Variants in SMOC2 observed in about 807,000 individuals in gnomAD.
SMOC2 encodes the protein SPARC-related modular calcium-binding protein 2.
SMOC2 carries 39 observed loss-of-function variants against 61.4 expected under a neutral mutation model. The observed-to-expected ratio is 0.64, with a 90% CI of 0.49 to 0.83. The LOEUF (loss-of-function observed/expected upper bound fraction) is 0.83, where lower values mean the gene tolerates loss of function less well. Among genes scored for constraint, SMOC2 ranks in the 40% least tolerant of loss-of-function variants. The pLI, the probability that SMOC2 is intolerant of heterozygous loss-of-function variation, is 0.00. For missense variants in SMOC2, 556 were observed against 592.9 expected (o/e 0.94, Z 0.65); for synonymous variants, 247 against 239.9 (o/e 1.03, Z -0.27).
chr6:168,528,708 G>A (rs1018726667), intron 4 of SMOC2, among the ~76,000 whole-genome samples: 4 of 152,196 alleles, frequency 2.6e-5, no homozygotes, highest in South Asian at 2.1e-4. Flanking sequence ...TGTTTCCAGC[G>A]ACTGGCCATG....
intron 4 of SMOC2, among the ~76,000 whole-genome samples, chr6:168,541,731 G>T (rs944216084): frequency 2.0e-5 from 3 of 152,156 alleles, no homozygotes; most frequent in African/African-American, 7.2e-5. Context: ...ATCAAGGGAC[G>T]CTGGGTTCTG....
intron 7 of SMOC2, among the ~76,000 whole-genome samples, chr6:168,551,255 A>G (rs1784122570): frequency 6.6e-6 from 1 of 152,158 alleles, no homozygotes; most frequent in Non-Finnish European, 1.5e-5. Context: ...CCGTGAGTCC[A>G]TTAAACCTCT....
intron 4 of SMOC2, among the ~76,000 whole-genome samples, chr6:168,541,648 G>A (rs1783880765): frequency 6.6e-6 from 1 of 152,206 alleles, no homozygotes; most frequent in African/African-American, 2.4e-5. Flanking sequence ...AAAAGGTGAA[G>A]TCAATGCACT....
chr6:168,575,970 G>A (rs1784795006), intron 7 of SMOC2, among the ~76,000 whole-genome samples: 1 of 152,094 alleles, frequency 6.6e-6, no homozygotes, highest in Non-Finnish European at 1.5e-5. Context: ...GCAGGAGGCA[G>A]CCCGCCATGA....
intron 7 of SMOC2, among the ~76,000 whole-genome samples, chr6:168,588,058 G>A (rs890973825): frequency 5.3e-5 from 8 of 151,656 alleles, no homozygotes; most frequent in African/African-American, 1.7e-4. Flanking sequence ...GTTCGTAAAC[G>A]GTGTCCTTTT....
chr6:168,475,451 G>A lies in SMOC2; in HGVS notation c.84+33997G>A, dbSNP rs781583361. On this transcript the variant is annotated intron_variant, in intron 1 of 12. Coordinates refer to ENST00000356284, the MANE Select transcript of SMOC2 (RefSeq NM_001166412.2). This position sits in a 1 kb window ranked among gnomAD's most constrained non-coding sequence, Gnocchi z 4.6. ...AATCCCTCCCCCACCCCACCAGGTC[G>A]TGATCCCTGAGGGAAGCATGGTCTC... Among the ~76,000 whole-genome samples the A allele has an allele frequency of 7.2e-5, 11 of 152,208 alleles. No homozygotes were observed. The highest frequency in any genetic ancestry group is 3.9e-4 in the East Asian group (2 of 5,166).
intron 1 of SMOC2, among the ~76,000 whole-genome samples, chr6:168,506,179 T>C (rs1036624960): frequency 2.0e-5 from 3 of 152,066 alleles, no homozygotes; most frequent in African/African-American, 7.2e-5. Context: ...CTTTATTTTG[T>C]TACACCCCCA....
chr6:168,533,869 T>C (rs1562332874), intron 4 of SMOC2, among the ~76,000 whole-genome samples: 1 of 152,222 alleles, frequency 6.6e-6, no homozygotes, highest in Non-Finnish European at 1.5e-5. Flanking sequence ...GGCCTCTTTC[T>C]AGATGGCCAT....
intron 9 of SMOC2, among the ~76,000 whole-genome samples, chr6:168,630,094 C>T (rs1009308885): frequency 7.9e-5 from 12 of 152,102 alleles, no homozygotes; most frequent in African/African-American, 1.4e-4. Context: ...TGCAGCGTCT[C>T]GTTCATCTCC....
At chr6:168,481,008 G>T (rs1782195321) in intron 1 of SMOC2, among the ~76,000 whole-genome samples, 1 of 152,050 alleles carries the variant, frequency 6.6e-6, no homozygotes. Flanking sequence ...GTAAGGAACA[G>T]TTCAAAAATT....
chr6:168,477,590 G>C (rs925521775), intron 1 of SMOC2, among the ~76,000 whole-genome samples: 3 of 152,188 alleles, frequency 2.0e-5, no homozygotes, highest in African/African-American at 2.4e-5. Flanking sequence ...GTCCTAAACG[G>C]AAAATGATGA....
chr6:168,630,294 A>T (rs1786533332), intron 9 of SMOC2, among the ~76,000 whole-genome samples: 1 of 152,190 alleles, frequency 6.6e-6, no homozygotes, highest in Non-Finnish European at 1.5e-5. Context: ...AAGAACGTGG[A>T]TTGTGAAGAT....
At position 168,650,596 on chromosome 6, in the gene SMOC2, C is replaced by T; in HGVS notation, c.908-85C>T. On this transcript the variant is annotated intron_variant, in intron 9 of 12. Coordinates refer to ENST00000356284, the MANE Select transcript of SMOC2 (RefSeq NM_001166412.2). ...GTAGGCCAAAATACTCATTTCCAAA[C>T]AGTAAAACAACATTTCCCTGTATTT... is the stretch of plus-strand genomic sequence containing the variant. The T allele has an allele frequency of 4.6e-6, 6 of 1,314,396 alleles. No homozygotes were observed. In the South Asian group the frequency reaches 6.7e-5, roughly 15 times the overall value. 81.4% of individuals were successfully genotyped at this position (1,314,396 alleles called of 1,614,324 possible). A position where few individuals can be genotyped will look rare whatever the true frequency, so the allele number is the denominator to read the frequency against.
At position 168,535,040 on chromosome 6, in the gene SMOC2, G is replaced by A. The variant is rs1018083637; in HGVS notation, c.463+7313G>A. On this transcript the variant is annotated intron_variant, in intron 4 of 12. Transcript: ENST00000356284. The surrounding 1 kb of genome is among the most constrained non-coding windows in gnomAD (Gnocchi z 4.6). ...GGCTGGAGTGCAGTGGCACAATCTC[G>A]GCTCACTGCAACCTCCGCCTCCGGG... Among the ~76,000 whole-genome samples, 2 of 151,880 alleles carry A rather than the reference G, an allele frequency of 1.3e-5. No homozygotes were observed. Among genetic ancestry groups the A allele is most frequent in the African/African-American group, 4.8e-5 (2 of 41,338 alleles).
intron 9 of SMOC2, among the ~76,000 whole-genome samples, chr6:168,648,273 GGTGCCC>G (rs754565327): frequency 4.6e-5 from 7 of 152,238 alleles, no homozygotes; most frequent in Admixed American, 2.0e-4. Flanking sequence ...CTGGCAGGCA[GGTGCCC>G]GAGGTCCTGT....
At chr6:168,588,995 T>C (rs1325297387) in intron 7 of SMOC2, among the ~76,000 whole-genome samples, 1 of 148,974 alleles carries the variant, frequency 6.7e-6, no homozygotes, top group Non-Finnish European at 1.5e-5. Flanking sequence ...GAGAATCACT[T>C]GAACCGGGGA....
At chr6:168,508,165 C>G (rs1230475211) in intron 1 of SMOC2, among the ~76,000 whole-genome samples, 1 of 152,206 alleles carries the variant, frequency 6.6e-6, no homozygotes, top group Non-Finnish European at 1.5e-5. Context: ...TTTGGCTAAT[C>G]TCTGTTTTTA....
At chr6:168,462,629 G>A (rs1227608905) in intron 1 of SMOC2, among the ~76,000 whole-genome samples, 9 of 152,226 alleles carry the variant, frequency 5.9e-5, no homozygotes, top group Non-Finnish European at 5.9e-5. Context: ...TGAATGACAC[G>A]AAGTCACATG....
intron 7 of SMOC2, among the ~76,000 whole-genome samples, chr6:168,582,876 C>T (rs55716582): frequency 0.38 from 57,017 of 151,946 alleles, 11,024 homozygotes; most frequent in Middle Eastern, 0.49. Flanking sequence ...TTGCCCCTCC[C>T]GGTTTTTATC....
Sources: allele counts gnomAD v4.1 joint callset (sites outside exome capture counted in the v4.1 genomes callset), GRCh38; gene constraint gnomAD v4.1.1; non-coding constraint Gnocchi (gnomAD v3.1); transcripts MANE v1.5; gene names NCBI Gene and HGNC (gene_info 2026-07-23, HGNC 2026-07-21).